The following CARMIL1 variants were observed in gnomAD, a reference collection of about 807,000 sequenced individuals.
The protein encoded by CARMIL1 is F-actin-uncapping protein LRRC16A.
CARMIL1 carries 90 observed loss-of-function variants against 177.1 expected under a neutral mutation model. The observed-to-expected ratio is 0.51, with a 90% CI of 0.43 to 0.61. The LOEUF (loss-of-function observed/expected upper bound fraction) is 0.61, where lower values mean the gene tolerates loss of function less well. Ranked by LOEUF, CARMIL1 falls within the 20% of genes least tolerant of loss-of-function variation. The probability of loss-of-function intolerance (pLI) is 0.00; values close to 1 mark genes in which losing one functional copy is unlikely to be tolerated. For synonymous variants in CARMIL1, 577 were observed against 606.2 expected (o/e 0.95, Z 0.71); for missense variants, 1,380 against 1,667.0 (o/e 0.83, Z 3.00).
intron 2 of CARMIL1, among the ~76,000 whole-genome samples, chr6:25,335,775 C>A (rs1786149804): frequency 6.6e-6 from 1 of 152,238 alleles, no homozygotes; most frequent in Admixed American, 6.5e-5. Context: ...AGTCCATGCT[C>A]AATGCGCTTT....
intron 17 of CARMIL1, among the ~76,000 whole-genome samples, chr6:25,508,170 G>A (rs1445806430): frequency 6.6e-6 from 1 of 152,162 alleles, no homozygotes; most frequent in East Asian, 1.9e-4. Context: ...GTCATGATGA[G>A]ATAGGCTCGA....
rs1476997724 is a variant in CARMIL1 at position 25,289,704 on chromosome 6, C to G, written c.138+4795C>G. 2.0e-5 allele frequency among the ~76,000 whole-genome samples: 3 copies of G among 152,198 alleles called. No homozygotes were observed. In the East Asian group the frequency reaches 5.8e-4, roughly 29 times the overall value. ...TATAAATGTACTCATACAGTATCCC[C>G]TTTTTGGGATTGGTTGTTCTTGCTC... On this transcript the variant is annotated intron_variant, in intron 2 of 36. Coordinates refer to ENST00000329474, the MANE Select transcript of CARMIL1 (RefSeq NM_017640.6).
chr6:25,416,362 T>C (rs1795358626), intron 2 of CARMIL1, among the ~76,000 whole-genome samples: 1 of 152,162 alleles, frequency 6.6e-6, no homozygotes, highest in Admixed American at 6.5e-5. Context: ...CCATCCAGGC[T>C]CAAATCCCAA....
rs368236737 is a variant in CARMIL1 at position 25,426,789 on chromosome 6, G to A, written c.249+229G>A. Among the ~76,000 whole-genome samples the A allele has an allele frequency of 9.9e-5, 15 of 152,190 alleles. 2 individuals are homozygous for A. The South Asian group carries it at 1.7e-3, about 17-fold the overall frequency. Reference sequence around the variant, plus strand: ...GAACAAATTAGCTCTTATGATAACCGGCAGTGTAAACGTGAGAGTACTGTT... The same window carrying A: ...GAACAAATTAGCTCTTATGATAACCAGCAGTGTAAACGTGAGAGTACTGTT... On this transcript the variant is annotated intron_variant, in intron 4 of 36. Transcript: ENST00000329474.
chr6:25,563,741 TGCTACATTGAG>T (rs767038698), intron 29 of CARMIL1: 94 of 985,284 alleles, frequency 9.5e-5, no homozygotes, highest in Non-Finnish European at 1.1e-4. Context: ...CCACCAGGCT[TGCTACATTGAG>T]GGGAAGAAGT....
chr6:25,295,750 T>A (rs1782328382), intron 2 of CARMIL1, among the ~76,000 whole-genome samples: 1 of 152,248 alleles, frequency 6.6e-6, no homozygotes, highest in South Asian at 2.1e-4. Flanking sequence ...TACTACAGTA[T>A]GTTTGCTGGA....
intron 2 of CARMIL1, among the ~76,000 whole-genome samples, chr6:25,306,581 G>A (rs1425224260): frequency 6.6e-6 from 1 of 152,128 alleles, no homozygotes; most frequent in Non-Finnish European, 1.5e-5. Context: ...CTTAGCATAT[G>A]TTTTCAAGTT....
intron 2 of CARMIL1, among the ~76,000 whole-genome samples, chr6:25,396,668 A>T (rs1421473119): frequency 6.6e-6 from 1 of 152,046 alleles, no homozygotes; most frequent in African/African-American, 2.4e-5. Flanking sequence ...GGCCGTTTTA[A>T]TCTTAAGGTA....
At chr6:25,472,551 C>A in intron 11 of CARMIL1, 30 bp downstream of exon 11, 1 of 1,486,986 alleles carries the variant, frequency 6.7e-7, no homozygotes. Flanking sequence ...ATCATTGATG[C>A]CAGAATTGTA....
At chr6:25,533,421 C>T (rs554444681) in intron 24 of CARMIL1, among the ~76,000 whole-genome samples, 2 of 152,244 alleles carry the variant, frequency 1.3e-5, no homozygotes, top group East Asian at 3.9e-4. Flanking sequence ...GTTTTTTCAT[C>T]TGTTTATTGG....
chr6:25,504,310 A>T (rs1804706047), intron 17 of CARMIL1, among the ~76,000 whole-genome samples: 1 of 152,138 alleles, frequency 6.6e-6, no homozygotes, highest in African/African-American at 2.4e-5. Context: ...AACTTAAGCA[A>T]ATTATTTTTG....
chr6:25,309,046 C>A (rs1783528110), intron 2 of CARMIL1, among the ~76,000 whole-genome samples: 1 of 152,100 alleles, frequency 6.6e-6, no homozygotes, highest in Admixed American at 6.5e-5. Context: ...AGATTTTTCT[C>A]TGTTTTAATT....
intron 8 of CARMIL1, among the ~76,000 whole-genome samples, chr6:25,454,334 C>T (rs1799267998): frequency 6.6e-6 from 1 of 152,176 alleles, no homozygotes; most frequent in Non-Finnish European, 1.5e-5. Flanking sequence ...TACAATTCCA[C>T]TGTGGTAGCT....
intron 15 of CARMIL1, among the ~76,000 whole-genome samples, chr6:25,492,684 T>C (rs1803358088): frequency 6.6e-6 from 1 of 152,170 alleles, no homozygotes; most frequent in Non-Finnish European, 1.5e-5. Flanking sequence ...AATATTTTAG[T>C]TATATGATTT....
At chr6:25,534,869 A>C (rs888392142) in intron 24 of CARMIL1, among the ~76,000 whole-genome samples, 1 of 152,216 alleles carries the variant, frequency 6.6e-6, no homozygotes, top group African/African-American at 2.4e-5. Flanking sequence ...GGAATAAAGA[A>C]ACCAATGTGG....
intron 24 of CARMIL1, among the ~76,000 whole-genome samples, chr6:25,530,473 C>T (rs1209189467): frequency 6.6e-6 from 1 of 151,998 alleles, no homozygotes; most frequent in Non-Finnish European, 1.5e-5. Context: ...CAAGATTGTG[C>T]GAGACTCTGA....
At chr6:25,585,561 A>G (rs188063788) in intron 31 of CARMIL1, among the ~76,000 whole-genome samples, 53 of 152,266 alleles carry the variant, frequency 3.5e-4, no homozygotes, top group African/African-American at 1.1e-3. Context: ...TTTATTTTTT[A>G]GTATTTATTG....
At chr6:25,541,476 A>G (rs567337911) in intron 26 of CARMIL1, among the ~76,000 whole-genome samples, 64 of 152,352 alleles carry the variant, frequency 4.2e-4, no homozygotes, top group African/African-American at 1.5e-3. Context: ...GTAAATGTCT[A>G]TAATTTGACA....
At chr6:25,461,274 A>G (rs2150906681) in intron 8 of CARMIL1, among the ~76,000 whole-genome samples, 1 of 152,344 alleles carries the variant, frequency 6.6e-6, no homozygotes, top group East Asian at 1.9e-4. Flanking sequence ...AAAGTTTTCT[A>G]CGACTACCTT....
Sources: gnomAD v4.1 joint callset for allele counts (sites outside exome capture counted in the v4.1 genomes callset) on GRCh38, gnomAD v4.1.1 for gene constraint, MANE v1.5 for transcripts, NCBI Gene and HGNC (gene_info 2026-07-23, HGNC 2026-07-21) for gene names.